The following NTM variants were observed in gnomAD, a reference collection of about 807,000 sequenced individuals.
NTM encodes the protein IgLON family member 2.
A neutral mutation model predicts 42.1 loss-of-function variants in NTM; 13 were observed. The observed-to-expected ratio is 0.31, with a 90% CI of 0.20 to 0.49. NTM has a LOEUF of 0.49. Among genes scored for constraint, NTM ranks in the 20% least tolerant of loss-of-function variants. The pLI is 0.99. For synonymous variants in NTM, 187 were observed against 179.2 expected (o/e 1.04, Z -0.35); for missense variants, 373 against 452.8 (o/e 0.82, Z 1.60).
At chr11:131,475,176 G>A (rs1393890335) in intron 1 of NTM, among the ~76,000 whole-genome samples, 1 of 152,148 alleles carries the variant, frequency 6.6e-6, no homozygotes, top group East Asian at 1.9e-4. Context: ...TAGATATGAG[G>A]AAGTAACTTT....
chr11:132,313,627 T>G (rs2095341993), intron 6 of NTM, among the ~76,000 whole-genome samples: 1 of 152,172 alleles, frequency 6.6e-6, no homozygotes, highest in Non-Finnish European at 1.5e-5. Flanking sequence ...GTAGGTGGTA[T>G]CCATGATCGC....
At chr11:131,954,259 C>A (rs1040194776) in intron 2 of NTM, among the ~76,000 whole-genome samples, 2 of 152,176 alleles carry the variant, frequency 1.3e-5, no homozygotes, top group African/African-American at 4.8e-5. Context: ...CAGGAGGCCT[C>A]GGTAGATGTG....
chr11:132,198,270 G>A (rs1391212664), intron 3 of NTM, among the ~76,000 whole-genome samples: 2 of 152,186 alleles, frequency 1.3e-5, no homozygotes. Flanking sequence ...CAGTGGTGCA[G>A]TCTTGGCTCA....
At chr11:131,437,483 A>G (rs1017727482) in intron 1 of NTM, among the ~76,000 whole-genome samples, 4 of 152,162 alleles carry the variant, frequency 2.6e-5, no homozygotes, top group African/African-American at 4.8e-5. Flanking sequence ...TTGGGTGCAT[A>G]TATATTTAGG....
chr11:131,467,077 G>C (rs975053245), intron 1 of NTM, among the ~76,000 whole-genome samples: 1 of 152,230 alleles, frequency 6.6e-6, no homozygotes, highest in Non-Finnish European at 1.5e-5. Context: ...TGCTTCAGTA[G>C]TTTGAGAATG....
intron 4 of NTM, among the ~76,000 whole-genome samples, chr11:132,270,059 C>T (rs2093404535): frequency 6.6e-6 from 1 of 152,144 alleles, no homozygotes; most frequent in Non-Finnish European, 1.5e-5. Context: ...CGTCCTACTC[C>T]AGGCAACCAC....
chr11:131,647,697 A>T (rs567432182), intron 1 of NTM, among the ~76,000 whole-genome samples: 6 of 152,336 alleles, frequency 3.9e-5, no homozygotes, highest in African/African-American at 7.2e-5. Flanking sequence ...AAATGATGGA[A>T]CTGGGGTATA....
intron 2 of NTM, among the ~76,000 whole-genome samples, chr11:131,973,324 A>G (rs995779479): frequency 2.0e-5 from 3 of 152,252 alleles, no homozygotes; most frequent in Middle Eastern, 3.2e-3. Context: ...TTCAAAGCCT[A>G]GAATTCTAAA....
chr11:131,720,950 AATTATT>A (rs964522518), intron 1 of NTM, among the ~76,000 whole-genome samples: 1 of 152,098 alleles, frequency 6.6e-6, no homozygotes, highest in Non-Finnish European at 1.5e-5. Context: ...ATAAATACTA[AATTATT>A]ATTATTATCA....
At chr11:131,922,825 C>T (rs776890949) in intron 2 of NTM, among the ~76,000 whole-genome samples, 6 of 152,194 alleles carry the variant, frequency 3.9e-5, no homozygotes, top group African/African-American at 7.2e-5. Context: ...GAAATGCAAA[C>T]ACCTCCATGG....
rs749759197 is a variant in NTM, at chr11:131,633,632, TCTGC to T, written c.82+262747_82+262750del. ...CTCTCACTCTCTCCCTCTCTCTATC[TCTGC>T]CTCTCTCTCCCTCTCTCTCCCTCTC... On this transcript the variant is annotated intron_variant, in intron 1 of 8. Transcript: ENST00000683400. Among the ~76,000 whole-genome samples the T allele has an allele frequency of 5.2e-3, 534 of 102,316 alleles. 7 individuals are homozygous for T. The highest frequency in any genetic ancestry group is 6.5e-3 in the African/African-American group (176 of 27,170). The allele number at this position is 102,316 out of a possible 152,430, so 67.1% of individuals were successfully genotyped here. A position where few individuals can be genotyped will look rare whatever the true frequency, so the allele number is the denominator to read the frequency against.
intron 1 of NTM, among the ~76,000 whole-genome samples, chr11:131,432,836 A>ATTTTTTTTTTTTTTTTT (rs1565494754): frequency 1.1e-5 from 1 of 87,390 alleles, no homozygotes; most frequent in African/African-American, 4.5e-5. Context: ...AAGATTTAGC[A>ATTTTTTTTTTTTTTTTT]TTCTTTTTTT....
chr11:131,841,725 C>T (rs866431158), intron 1 of NTM, among the ~76,000 whole-genome samples: 53 of 152,178 alleles, frequency 3.5e-4, no homozygotes, highest in South Asian at 1.2e-3. Flanking sequence ...GGTAGAGGGG[C>T]CTTGATGACT....
intron 4 of NTM, among the ~76,000 whole-genome samples, chr11:132,296,717 G>T (rs1281519902): frequency 3.3e-5 from 5 of 152,202 alleles, no homozygotes; most frequent in African/African-American, 7.2e-5. Flanking sequence ...AGGCACAGTA[G>T]TAGTGTGCCC....
chr11:132,187,254 C>T (rs539267745), intron 3 of NTM, among the ~76,000 whole-genome samples: 13 of 145,520 alleles, frequency 8.9e-5, no homozygotes, highest in South Asian at 8.9e-4. Context: ...TGTGCGTGTG[C>T]GTGTTTTAAG....
chr11:132,215,643 C>T (rs547307285), intron 4 of NTM, among the ~76,000 whole-genome samples: 46 of 152,264 alleles, frequency 3.0e-4, no homozygotes, highest in African/African-American at 1.1e-3. Context: ...ACCTCCAAGG[C>T]CACCTCTTGG....
chr11:131,643,993 A>G (rs7952494), intron 1 of NTM, among the ~76,000 whole-genome samples: 2,408 of 152,330 alleles, frequency 0.016, 55 homozygotes, highest in African/African-American at 0.051. Flanking sequence ...ATCATCATTC[A>G]TTATAAGACG....
chr11:131,396,084 C>G (rs554696902), intron 1 of NTM, among the ~76,000 whole-genome samples: 38 of 152,226 alleles, frequency 2.5e-4, no homozygotes, highest in African/African-American at 9.1e-4. Context: ...TCCCAGCACT[C>G]AAGGGCAGGC....
At chr11:131,564,830 C>T (rs921201102) in intron 1 of NTM, among the ~76,000 whole-genome samples, 1 of 152,136 alleles carries the variant, frequency 6.6e-6, no homozygotes, top group Middle Eastern at 3.2e-3. Flanking sequence ...AACACACATG[C>T]TCAGACACAT....
Sources: gnomAD v4.1 joint callset for allele counts (sites outside exome capture counted in the v4.1 genomes callset) on GRCh38, gnomAD v4.1.1 for gene constraint, MANE v1.5 for transcripts, NCBI Gene and HGNC (gene_info 2026-07-23, HGNC 2026-07-21) for gene names.